STXBP4: variants seen among roughly 807,000 people sequenced by gnomAD.
STXBP4 encodes the protein syntaxin binding protein 4, also known as syntaxin-binding protein 4.
In STXBP4, 55 loss-of-function variants were observed where a neutral mutation model predicts 76.1. The observed-to-expected ratio is 0.72, with a 90% CI of 0.58 to 0.91. The LOEUF (loss-of-function observed/expected upper bound fraction) is 0.91, where lower values mean the gene tolerates loss of function less well. Among genes scored for constraint, STXBP4 ranks in the 40% least tolerant of loss-of-function variants. The pLI is 0.00. For synonymous variants in STXBP4, 201 were observed against 220.2 expected, an observed-to-expected ratio of 0.91 and a Z score of 0.77; for missense variants, 618 against 636.9, an observed-to-expected ratio of 0.97 and a Z score of 0.32.
intron 4 of STXBP4, among the ~76,000 whole-genome samples, chr17:54,996,008 G>A (rs1266507762): frequency 6.6e-6 from 1 of 151,936 alleles, no homozygotes; most frequent in Non-Finnish European, 1.5e-5. Context: ...CCTAGACTGG[G>A]AGTTGCTGAT....
At chr17:55,193,815 GAAA>G in the STXBP4 span, among the ~76,000 whole-genome samples, 1 of 105,880 alleles carries the variant, frequency 9.4e-6, no homozygotes, top group Non-Finnish European at 1.8e-5. Context: ...CCTGATTTCA[GAAA>G]AAAAAAAAAA....
intron 16 of STXBP4, among the ~76,000 whole-genome samples, chr17:55,116,144 T>C (rs2079778017): frequency 6.6e-6 from 1 of 151,802 alleles, no homozygotes; most frequent in South Asian, 2.1e-4. Context: ...TTTATAAACA[T>C]ATATTTTTAA....
intron 7 of STXBP4, among the ~76,000 whole-genome samples, chr17:55,006,869 T>A (rs1009217927): frequency 1.3e-5 from 2 of 152,168 alleles, no homozygotes; most frequent in African/African-American, 4.8e-5. Flanking sequence ...ACCAACATCT[T>A]TGAACAAAAA....
At chr17:55,210,228 A>G in the STXBP4 span, among the ~76,000 whole-genome samples, 1 of 152,354 alleles carries the variant, frequency 6.6e-6, no homozygotes, top group Admixed American at 6.5e-5. Context: ...CTAAATTTTT[A>G]ATGGCATTTT....
intron 16 of STXBP4, among the ~76,000 whole-genome samples, chr17:55,085,317 C>G (rs544602006): frequency 2.4e-4 from 36 of 151,838 alleles, no homozygotes; most frequent in Non-Finnish European, 4.1e-4. Flanking sequence ...ATGTAACTAA[C>G]CTGCATATTG....
chr17:55,141,298 C>A lies in STXBP4; in HGVS notation c.1490-12C>A. The A allele has an allele frequency of 6.2e-7, 1 of 1,605,544 alleles. No individual in the cohort carries two copies. The highest frequency in any genetic ancestry group is 8.5e-7 in the Non-Finnish European group (1 of 1,176,280). Reference sequence around the variant, plus strand: ...TCTTATTAAATATATTTTTGGTTTCCTTTCACTGTAGGTTTACCTTATGGG... The same window carrying A: ...TCTTATTAAATATATTTTTGGTTTCATTTCACTGTAGGTTTACCTTATGGG... On this transcript the variant is annotated splice_polypyrimidine_tract_variant and intron_variant, in intron 16 of 17. Transcript: ENST00000376352.
intron 17 of STXBP4, among the ~76,000 whole-genome samples, chr17:55,159,372 G>C (rs1052065804): frequency 6.6e-6 from 1 of 152,228 alleles, no homozygotes; most frequent in African/African-American, 2.4e-5. Flanking sequence ...TTGTCATTTA[G>C]AAAGTTCTTT....
At chr17:55,049,978 A>T (rs976122780) in intron 12 of STXBP4, among the ~76,000 whole-genome samples, 5 of 152,094 alleles carry the variant, frequency 3.3e-5, no homozygotes, top group African/African-American at 9.7e-5. Flanking sequence ...AAAATGAAAG[A>T]AATTTTCCAA....
chr17:54,980,424 A>G (rs1237814594), intron 1 of STXBP4, among the ~76,000 whole-genome samples: 1 of 152,236 alleles, frequency 6.6e-6, no homozygotes, highest in Non-Finnish European at 1.5e-5. Flanking sequence ...GATTTGGACA[A>G]AATGCACAAA....
At chr17:55,089,829 ACTT>A (rs1358186732) in intron 16 of STXBP4, among the ~76,000 whole-genome samples, 1 of 152,144 alleles carries the variant, frequency 6.6e-6, no homozygotes. Flanking sequence ...GAATATATTG[ACTT>A]CTTGTTAAAT....
chr17:54,975,198 G>A (rs890215191), intron 1 of STXBP4, among the ~76,000 whole-genome samples: 5 of 152,160 alleles, frequency 3.3e-5, no homozygotes, highest in African/African-American at 1.2e-4. Flanking sequence ...GAGTGCAATG[G>A]CATGATCTCG....
At chr17:55,191,619 A>C in the STXBP4 span, among the ~76,000 whole-genome samples, 1 of 152,266 alleles carries the variant, frequency 6.6e-6, no homozygotes, top group South Asian at 2.1e-4. Context: ...CTCTTTCTGC[A>C]TCTACCTCAG....
chr17:55,100,376 T>C (rs1407643616), intron 16 of STXBP4, among the ~76,000 whole-genome samples: 1 of 152,194 alleles, frequency 6.6e-6, no homozygotes, highest in African/African-American at 2.4e-5. Flanking sequence ...AGGTTAACAC[T>C]ACCGTGTACA....
intron 8 of STXBP4, among the ~76,000 whole-genome samples, chr17:55,012,676 G>C (rs899860990): frequency 6.6e-6 from 1 of 152,172 alleles, no homozygotes; most frequent in African/African-American, 2.4e-5. Context: ...GTGCCCCAAT[G>C]AGGGCTATTA....
chr17:55,208,810 G>T, the STXBP4 span, among the ~76,000 whole-genome samples: 1 of 152,068 alleles, frequency 6.6e-6, no homozygotes, highest in Non-Finnish European at 1.5e-5. Flanking sequence ...GGCTAGGCAC[G>T]GTGACTTACG....
intron 3 of STXBP4, among the ~76,000 whole-genome samples, chr17:54,987,819 A>T (rs1277459736): frequency 6.6e-6 from 1 of 152,198 alleles, no homozygotes; most frequent in Non-Finnish European, 1.5e-5. Context: ...TCCCACCAGC[A>T]GTGTGCAAAA....
intron 12 of STXBP4, among the ~76,000 whole-genome samples, chr17:55,057,257 G>A (rs149584062): frequency 1.2e-4 from 19 of 152,232 alleles, no homozygotes; most frequent in African/African-American, 4.3e-4. Context: ...GAAAATCTTC[G>A]TAAATCTCTT....
At chr17:55,126,136 CAG>C (rs1451845690) in intron 16 of STXBP4, among the ~76,000 whole-genome samples, 1 of 152,138 alleles carries the variant, frequency 6.6e-6, no homozygotes, top group Non-Finnish European at 1.5e-5. Flanking sequence ...AGTAGTGTAA[CAG>C]AATCCAGAGT....
At chr17:55,147,436 T>A (rs1265608257) in intron 17 of STXBP4, among the ~76,000 whole-genome samples, 1 of 152,172 alleles carries the variant, frequency 6.6e-6, no homozygotes, top group Non-Finnish European at 1.5e-5. Flanking sequence ...GCAGCTGAGC[T>A]CCTAACAGGT....
Sources: allele counts gnomAD v4.1 joint callset (sites outside exome capture counted in the v4.1 genomes callset), GRCh38; gene constraint gnomAD v4.1.1; transcripts MANE v1.5; gene names NCBI Gene and HGNC (gene_info 2026-07-23, HGNC 2026-07-21).